The following KLHL13 variants were observed in gnomAD, a reference collection of about 807,000 sequenced individuals.
The protein encoded by KLHL13 is kelch-like protein 13.
In KLHL13, 10 loss-of-function variants were observed where a neutral mutation model predicts 37.1. That is an observed-to-expected ratio of 0.27 (90% CI 0.17 to 0.46). The LOEUF is 0.46. Ranked by LOEUF, KLHL13 falls within the 20% of genes least tolerant of loss-of-function variation. The probability of loss-of-function intolerance (pLI) is 1.00; values close to 1 mark genes in which losing one functional copy is unlikely to be tolerated. For missense variants in KLHL13, 360 were observed against 509.3 expected (o/e 0.71, Z 2.82); for synonymous variants, 163 against 181.2 (o/e 0.90, Z 0.81).
intron 2 of KLHL13, among the ~76,000 whole-genome samples, chrX:117,933,009 CTTATTTTG>C (rs1161674652): frequency 1.8e-5 from 2 of 110,054 alleles, no homozygotes; most frequent in Non-Finnish European, 3.8e-5. Flanking sequence ...ATTTGTATGT[CTTATTTTG>C]AGAAATGAAA....
chrX:118,076,119 A>G (rs1004059558), intron 1 of KLHL13, among the ~76,000 whole-genome samples: 3 of 111,815 alleles, frequency 2.7e-5, no homozygotes, highest in African/African-American at 9.7e-5. Context: ...TTATTTTACA[A>G]CAGTTTTTGT....
chrX:118,015,843 T>C (rs1275372902), intron 1 of KLHL13, among the ~76,000 whole-genome samples: 1 of 111,328 alleles, frequency 9.0e-6, no homozygotes, highest in Non-Finnish European at 1.9e-5. Flanking sequence ...GTAACTGGTC[T>C]CAGAATTTCA....
chrX:117,995,343 C>G (rs1242633260), intron 1 of KLHL13, among the ~76,000 whole-genome samples: 1 of 112,118 alleles, frequency 8.9e-6, no homozygotes, highest in Non-Finnish European at 1.9e-5. Context: ...TCCTATTCCC[C>G]ATAAAATGTC....
At chrX:117,987,223 G>A (rs1230840015) in intron 1 of KLHL13, among the ~76,000 whole-genome samples, 1 of 111,177 alleles carries the variant, frequency 9.0e-6, no homozygotes, top group African/African-American at 3.3e-5. Flanking sequence ...GAGAAATTGT[G>A]ATTGTGCTTT....
intron 1 of KLHL13, among the ~76,000 whole-genome samples, chrX:118,076,639 T>C (rs6645442): frequency 0.017 from 1,927 of 111,121 alleles, 45 homozygotes; most frequent in African/African-American, 0.058. Context: ...GTAAAGCAGG[T>C]TACTTTGCAT....
intron 1 of KLHL13, among the ~76,000 whole-genome samples, chrX:117,985,636 G>C (rs779824711): frequency 1.8e-5 from 2 of 110,054 alleles, no homozygotes; most frequent in Non-Finnish European, 3.8e-5. Context: ...AGCAAAGGTG[G>C]AGTGAGACAA....
At chrX:118,035,147 G>A (rs1374991345) in intron 1 of KLHL13, among the ~76,000 whole-genome samples, 2 of 105,358 alleles carry the variant, frequency 1.9e-5, no homozygotes, top group African/African-American at 7.9e-5. Flanking sequence ...ATTCACAGTC[G>A]GATTCTACCA....
At chrX:118,114,801 T>G (rs916105135) in intron 1 of KLHL13, among the ~76,000 whole-genome samples, 1 of 112,739 alleles carries the variant, frequency 8.9e-6, no homozygotes, top group Non-Finnish European at 1.9e-5. Context: ...CAACTGAGCC[T>G]TATATAATCA....
intron 1 of KLHL13, among the ~76,000 whole-genome samples, chrX:118,094,949 A>T (rs1210952085): frequency 8.9e-6 from 1 of 111,840 alleles, no homozygotes; most frequent in Non-Finnish European, 1.9e-5. Context: ...CCAAATTGTA[A>T]AGACCATCAA....
chrX:118,044,687 CA>C (rs2054539979), intron 1 of KLHL13, among the ~76,000 whole-genome samples: 1 of 111,877 alleles, frequency 8.9e-6, no homozygotes, highest in Admixed American at 9.4e-5. Flanking sequence ...TATCCATATG[CA>C]GAAGAATGAA....
intron 1 of KLHL13, among the ~76,000 whole-genome samples, chrX:118,115,766 A>C (rs1484912465): frequency 8.9e-6 from 1 of 112,531 alleles, no homozygotes; most frequent in Non-Finnish European, 1.9e-5. Flanking sequence ...GCGTACCAAC[A>C]TATATACATA....
intron 1 of KLHL13, among the ~76,000 whole-genome samples, chrX:118,058,289 C>T (rs2054706088): frequency 9.0e-6 from 1 of 111,088 alleles, no homozygotes. Flanking sequence ...ATCCCTTCCC[C>T]TACTCCCCCC....
intron 2 of KLHL13, among the ~76,000 whole-genome samples, 181 bp downstream of exon 3, chrX:117,945,253 A>T (rs1249121633): frequency 9.0e-6 from 1 of 111,715 alleles, no homozygotes; most frequent in Non-Finnish European, 1.9e-5. Context: ...TACTTAATAA[A>T]CTTCATTTTT....
chrX:117,983,941 G>T (rs1477752913), intron 1 of KLHL13, among the ~76,000 whole-genome samples: 1 of 111,552 alleles, frequency 9.0e-6, no homozygotes, highest in Non-Finnish European at 1.9e-5. Context: ...AAGCCTAAAG[G>T]TCAATTCTTT....
intron 1 of KLHL13, among the ~76,000 whole-genome samples, chrX:118,084,163 A>T (rs1451290260): frequency 1.8e-5 from 2 of 110,519 alleles, no homozygotes; most frequent in African/African-American, 3.3e-5. Flanking sequence ...CTACAAAAAA[A>T]AAAAAAATGT....
chrX:117,984,092 C>T (rs2053696388), intron 1 of KLHL13, among the ~76,000 whole-genome samples: 1 of 111,649 alleles, frequency 9.0e-6, no homozygotes, highest in Admixed American at 9.5e-5. Flanking sequence ...TTAATAAAAA[C>T]ACATAAATAG....
intron 1 of KLHL13, among the ~76,000 whole-genome samples, chrX:118,111,787 G>C (rs1188586793): frequency 8.9e-6 from 1 of 112,118 alleles, no homozygotes. Flanking sequence ...AGCTACTCGG[G>C]AGGCTGAGGT....
intron 4 of KLHL13, among the ~76,000 whole-genome samples, chrX:117,913,397 T>C (rs1029617591): frequency 1.8e-5 from 2 of 112,456 alleles, no homozygotes; most frequent in East Asian, 2.8e-4. Context: ...ATATAAAATA[T>C]GAAGTTTAAA....
intron 4 of KLHL13, among the ~76,000 whole-genome samples, chrX:117,914,059 C>T (rs940694283): frequency 9.1e-6 from 1 of 110,445 alleles, no homozygotes; most frequent in Non-Finnish European, 1.9e-5. Flanking sequence ...CAATAACATA[C>T]TGGTCCTCAC....
Sources: allele counts gnomAD v4.1 joint callset (sites outside exome capture counted in the v4.1 genomes callset), GRCh38; gene constraint gnomAD v4.1.1; transcripts MANE v1.5; gene names NCBI Gene and HGNC (gene_info 2026-07-23, HGNC 2026-07-21).